The following PDSS2 variants were observed in gnomAD, a reference collection of about 807,000 sequenced individuals.
PDSS2 encodes the protein decaprenyl diphosphate synthase subunit 2.
Under a neutral mutation model 44.5 loss-of-function variants are expected in PDSS2, and 31 were observed. That is an observed-to-expected ratio of 0.70 (90% CI 0.52 to 0.94). The LOEUF (loss-of-function observed/expected upper bound fraction) is 0.94, where lower values mean the gene tolerates loss of function less well. Ranked by LOEUF, PDSS2 falls within the 40% of genes least tolerant of loss-of-function variation. The probability of loss-of-function intolerance (pLI) is 0.00; values close to 1 mark genes in which losing one functional copy is unlikely to be tolerated. For missense variants in PDSS2, 452 were observed against 482.2 expected, an observed-to-expected ratio of 0.94 and a Z score of 0.59; for synonymous variants, 157 against 180.3, an observed-to-expected ratio of 0.87 and a Z score of 1.03.
intron 2 of PDSS2, among the ~76,000 whole-genome samples, chr6:107,288,705 G>C (rs1776237018): frequency 6.6e-6 from 1 of 151,500 alleles, no homozygotes; most frequent in Non-Finnish European, 1.5e-5. Flanking sequence ...GAGCAGTATG[G>C]GGTCATTAAG....
rs1177940710 is a variant in PDSS2 at position 107,239,634 on chromosome 6, C to CTTT, written c.702+5911_702+5913dup. 8.4e-3 allele frequency among the ~76,000 whole-genome samples: 647 copies of CTTT among 76,994 alleles called. 7 individuals carry two copies. The highest frequency in any genetic ancestry group is 0.014 in the Middle Eastern group (1 of 72). 50.5% of individuals were successfully genotyped at this position (76,994 alleles called of 152,430 possible). A position where few individuals can be genotyped will look rare whatever the true frequency, so the allele number is the denominator to read the frequency against. ...ATTATTTAATAAACATGTACTCTACCTTTTTTTTTTTTTTTTTTTTTTTTT... is the reference window on the plus strand; with the variant it reads ...ATTATTTAATAAACATGTACTCTACCTTTTTTTTTTTTTTTTTTTTTTTTTTTT... On this transcript the variant is annotated intron_variant, in intron 4 of 7. Transcript: ENST00000369037.
chr6:107,392,833 A>T (rs1355097648), intron 1 of PDSS2, among the ~76,000 whole-genome samples: 1 of 152,010 alleles, frequency 6.6e-6, no homozygotes, highest in Non-Finnish European at 1.5e-5. Flanking sequence ...TTATACCCAG[A>T]CTTCAAGCTT....
chr6:107,450,811 T>C (rs566501600), intron 1 of PDSS2, among the ~76,000 whole-genome samples: 105 of 152,236 alleles, frequency 6.9e-4, no homozygotes, highest in Non-Finnish European at 1.1e-3. Flanking sequence ...ACATGGTAAG[T>C]GTATGTTTAA....
At chr6:107,214,379 C>T (rs986515762) in intron 4 of PDSS2, among the ~76,000 whole-genome samples, 2 of 152,138 alleles carry the variant, frequency 1.3e-5, no homozygotes, top group African/African-American at 2.4e-5. Context: ...GTGTGAGCCA[C>T]CGCTCCCGGC....
In PDSS2 at chr6:107,194,726, C is replaced by T. The variant is rs554080304; in HGVS notation, c.1009-872G>A. Among the ~76,000 whole-genome samples, 20 of 151,496 alleles carry T rather than the reference C, an allele frequency of 1.3e-4. No individual in the cohort carries two copies. In the South Asian group the frequency reaches 1.9e-3, roughly 14 times the overall value. ...CAGCACTTTGGGAGGCCAAGGCAGGCGGATCACCTGAGGTCAGGAGTTCGA... is the reference window on the plus strand; with the variant it reads ...CAGCACTTTGGGAGGCCAAGGCAGGTGGATCACCTGAGGTCAGGAGTTCGA... On this transcript the variant is annotated intron_variant, in intron 6 of 7. Transcript: ENST00000369037.
At chr6:107,367,931 T>C (rs1196548276) in intron 1 of PDSS2, among the ~76,000 whole-genome samples, 4 of 151,858 alleles carry the variant, frequency 2.6e-5, no homozygotes, top group African/African-American at 9.7e-5. Flanking sequence ...AATTAATACA[T>C]GAATTTAGCA....
At chr6:107,228,328 C>G (rs767924302) in intron 4 of PDSS2, among the ~76,000 whole-genome samples, 4 of 152,148 alleles carry the variant, frequency 2.6e-5, no homozygotes, top group Non-Finnish European at 5.9e-5. Context: ...CATATTTAAT[C>G]TAATACTCCT....
intron 1 of PDSS2, among the ~76,000 whole-genome samples, chr6:107,442,066 C>A (rs949073037): frequency 1.2e-4 from 19 of 152,280 alleles, no homozygotes; most frequent in African/African-American, 4.1e-4. Context: ...CCTAGAGCGT[C>A]CCCAGTTCTC....
At chr6:107,332,234 A>C (rs1777734815) in intron 2 of PDSS2, among the ~76,000 whole-genome samples, 1 of 151,922 alleles carries the variant, frequency 6.6e-6, no homozygotes, top group Non-Finnish European at 1.5e-5. Context: ...CCTCCTGAAT[A>C]GCTGGGACTA....
chr6:107,165,829 C>G (rs1771323781), intron 7 of PDSS2, among the ~76,000 whole-genome samples: 1 of 152,126 alleles, frequency 6.6e-6, no homozygotes, highest in African/African-American at 2.4e-5. Context: ...TTTGTGTCTT[C>G]TTTTATTTCG....
At chr6:107,401,761 C>T (rs914336608) in intron 1 of PDSS2, among the ~76,000 whole-genome samples, 1 of 152,018 alleles carries the variant, frequency 6.6e-6, no homozygotes, top group African/African-American at 2.4e-5. Context: ...TTGAAAGCTT[C>T]AACAACAGAA....
chr6:107,342,029 T>C (rs1778096704), intron 1 of PDSS2, among the ~76,000 whole-genome samples: 1 of 152,062 alleles, frequency 6.6e-6, no homozygotes, highest in African/African-American at 2.4e-5. Flanking sequence ...AATTTAAACA[T>C]AATTGGACTC....
chr6:107,177,131 C>CTT (rs5878907), intron 7 of PDSS2, among the ~76,000 whole-genome samples: 3 of 119,558 alleles, frequency 2.5e-5, no homozygotes, highest in Non-Finnish European at 5.1e-5. Context: ...TAATGTAATT[C>CTT]TTTTTTTTTT....
At chr6:107,248,082 A>G (rs991032485) in intron 3 of PDSS2, among the ~76,000 whole-genome samples, 6 of 152,068 alleles carry the variant, frequency 3.9e-5, no homozygotes, top group Non-Finnish European at 7.4e-5. Context: ...AAATATTTCT[A>G]GAGAGACCAC....
At chr6:107,282,975 C>T (rs977858589) in intron 2 of PDSS2, among the ~76,000 whole-genome samples, 1 of 149,886 alleles carries the variant, frequency 6.7e-6, no homozygotes, top group Non-Finnish European at 1.5e-5. Flanking sequence ...CCTTCCATCT[C>T]AGCCTCCCAA....
chr6:107,411,790 A>G (rs746549587), intron 1 of PDSS2, among the ~76,000 whole-genome samples: 50 of 151,750 alleles, frequency 3.3e-4, no homozygotes, highest in Non-Finnish European at 8.8e-5. Context: ...AACGGAATTG[A>G]GCATCTATGG....
chr6:107,442,955 A>G (rs57023911), intron 1 of PDSS2, among the ~76,000 whole-genome samples: 4,579 of 152,206 alleles, frequency 0.03, 253 homozygotes, highest in African/African-American at 0.11. Context: ...TTATGTCTTC[A>G]TTTTATTTGG....
chr6:107,239,109 T>C (rs913591833), intron 4 of PDSS2, among the ~76,000 whole-genome samples: 2 of 152,098 alleles, frequency 1.3e-5, no homozygotes, highest in African/African-American at 4.8e-5. Context: ...AAACCCCATC[T>C]CTACTAAAAA....
At chr6:107,259,507 A>C (rs1775139954) in intron 3 of PDSS2, among the ~76,000 whole-genome samples, 1 of 152,000 alleles carries the variant, frequency 6.6e-6, no homozygotes, top group South Asian at 2.1e-4. Context: ...TACTAAAAAT[A>C]CAAAAAAAAA....
Sources: gnomAD v4.1 joint callset for allele counts (sites outside exome capture counted in the v4.1 genomes callset) on GRCh38, gnomAD v4.1.1 for gene constraint, MANE v1.5 for transcripts, NCBI Gene and HGNC (gene_info 2026-07-23, HGNC 2026-07-21) for gene names.